CCDC158: variants seen among roughly 807,000 people sequenced by gnomAD.
The protein encoded by CCDC158 is coiled-coil domain-containing protein 158.
Under a neutral mutation model 138.6 loss-of-function variants are expected in CCDC158, and 116 were observed. The observed-to-expected ratio is 0.84, with a 90% CI of 0.72 to 0.98. The LOEUF is 0.98. Ranked by LOEUF, CCDC158 falls within the 50% of genes least tolerant of loss-of-function variation. The pLI is 0.00. For missense variants in CCDC158, 1,265 were observed against 1,306.1 expected (o/e 0.97, Z 0.48); for synonymous variants, 436 against 442.4 (o/e 0.99, Z 0.18).
intron 9 of CCDC158, among the ~76,000 whole-genome samples, chr4:76,373,635 TTAA>T (rs1725451830): frequency 1.3e-5 from 2 of 151,978 alleles, no homozygotes; most frequent in Admixed American, 1.3e-4. Flanking sequence ...ACATCTCTCT[TTAA>T]TAATAATCAT....
intron 1 of CCDC158, among the ~76,000 whole-genome samples, chr4:76,417,584 C>T (rs552033390): frequency 3.3e-4 from 47 of 141,280 alleles, no homozygotes; most frequent in Non-Finnish European, 6.7e-4. Flanking sequence ...CTCTTGCTGC[C>T]GCCATGTAAG....
chr4:76,413,476 A>T (rs898287912), intron 1 of CCDC158, among the ~76,000 whole-genome samples: 72 of 144,932 alleles, frequency 5.0e-4, no homozygotes, highest in Admixed American at 4.6e-3. Context: ...CCTTGTCTCA[A>T]AAAAAAAAAA....
intron 14 of CCDC158, chr4:76,356,605 C>A (rs997215927): frequency 2.0e-5 from 3 of 152,132 alleles, no homozygotes; most frequent in African/African-American, 7.2e-5. Flanking sequence ...AAGGGCCAAA[C>A]CACACAAAAT....
intron 24 of CCDC158, among the ~76,000 whole-genome samples, chr4:76,318,016 A>C (rs1197442289): frequency 6.6e-6 from 1 of 152,174 alleles, no homozygotes; most frequent in African/African-American, 2.4e-5. Context: ...AGTGGTGCTA[A>C]AAGGAAAGTT....
At chr4:76,345,173 A>G in intron 18 of CCDC158, 3 of 993,540 alleles carry the variant, frequency 3.0e-6, no homozygotes, top group Non-Finnish European at 3.3e-6. Context: ...AAAAGTACCT[A>G]TTGAAGGTTG....
intron 24 of CCDC158, among the ~76,000 whole-genome samples, chr4:76,319,560 G>A (rs1237492521): frequency 8.1e-6 from 1 of 124,166 alleles, no homozygotes; most frequent in Non-Finnish European, 1.6e-5. Flanking sequence ...TTAGCTAACT[G>A]AATCCAACAC....
chr4:76,369,708 T>A lies in CCDC158; in HGVS notation c.1150-85A>T, dbSNP rs115086572. On this transcript the variant is annotated intron_variant, in intron 10 of 24. Coordinates refer to ENST00000682701, the MANE Select transcript of CCDC158 (RefSeq NM_001394954.1). ...ATTGTCTTTATATCATATTTGGAGTTTTTATGTGATTTCAGACACCTTTGA... is the reference window on the plus strand; with the variant it reads ...ATTGTCTTTATATCATATTTGGAGTATTTATGTGATTTCAGACACCTTTGA... 1.2e-3 allele frequency: 1,376 copies of A among 1,184,236 alleles called. 12 individuals carry two copies. The African/African-American group carries it at 0.018, about 15-fold the overall frequency. 73.4% of individuals were successfully genotyped at this position (1,184,236 alleles called of 1,614,324 possible).
At chr4:76,349,877 A>T (rs1388849836) in intron 18 of CCDC158, among the ~76,000 whole-genome samples, 1 of 152,226 alleles carries the variant, frequency 6.6e-6, no homozygotes, top group South Asian at 2.1e-4. Context: ...CCTAGAGGTC[A>T]TCTTGTCCAG....
intron 18 of CCDC158, among the ~76,000 whole-genome samples, chr4:76,339,520 T>C (rs1375818642): frequency 6.6e-6 from 1 of 152,264 alleles, no homozygotes; most frequent in East Asian, 1.9e-4. Flanking sequence ...AAGGCAACAA[T>C]GCTTGTTTTG....
chr4:76,353,279 C>T lies in CCDC158; in HGVS notation c.2289G>A (p.Glu763=). 1 of 1,601,666 alleles carries T rather than the reference C, an allele frequency of 6.2e-7. No homozygotes were observed. The highest frequency in any genetic ancestry group is 8.5e-7 in the Non-Finnish European group (1 of 1,173,618). ...TTTTCTCTTCTTTCAGAAAATGTTT[C>T]TCCTACAATTATATGAGAGAAAAAC... ...LEEAMTNANK[E]KHFLKEEKSK... Residue 763 remains glutamate (E), a splice_region_variant and synonymous_variant, in exon 16 of 25, where the codon GAG becomes GAA. Transcript: ENST00000682701.
At chr4:76,358,902 T>G in intron 13 of CCDC158, among the ~76,000 whole-genome samples, 1 of 152,232 alleles carries the variant, frequency 6.6e-6, no homozygotes, top group East Asian at 1.9e-4. Flanking sequence ...TACATGATAC[T>G]TCATACCATA....
intron 4 of CCDC158, among the ~76,000 whole-genome samples, chr4:76,395,932 T>G (rs1201025171): frequency 6.6e-6 from 1 of 152,212 alleles, no homozygotes; most frequent in African/African-American, 2.4e-5. Context: ...GGTATCATGA[T>G]AGCAGGACAG....
At chr4:76,345,776 G>A (rs568554022) in intron 18 of CCDC158, among the ~76,000 whole-genome samples, 2 of 152,162 alleles carry the variant, frequency 1.3e-5, no homozygotes, top group African/African-American at 2.4e-5. Context: ...TGATGCTCAT[G>A]GATAGGAAGA....
intron 8 of CCDC158, among the ~76,000 whole-genome samples, chr4:76,382,011 A>G (rs1045009376): frequency 2.0e-5 from 3 of 152,206 alleles, no homozygotes; most frequent in African/African-American, 7.2e-5. Context: ...TGAGAAAGAC[A>G]TGATATTTGG....
At chr4:76,345,040 G>A (rs1432610195) in intron 18 of CCDC158, 1 of 1,375,680 alleles carries the variant, frequency 7.3e-7, no homozygotes, top group Non-Finnish European at 1.0e-6. Context: ...ATTACAATAG[G>A]ATCAACGATT....
intron 18 of CCDC158, among the ~76,000 whole-genome samples, chr4:76,347,899 A>G (rs1722711700): frequency 6.6e-6 from 1 of 152,168 alleles, no homozygotes; most frequent in African/African-American, 2.4e-5. Context: ...TCATGTGCCA[A>G]TTTTTAAAAC....
At chr4:76,327,761 A>G (rs936967474) in intron 22 of CCDC158, among the ~76,000 whole-genome samples, 1 of 152,114 alleles carries the variant, frequency 6.6e-6, no homozygotes, top group Admixed American at 6.5e-5. Context: ...TCTTTCTCCC[A>G]TCTCTTTTTA....
At chr4:76,337,946 T>C (rs904667301) in intron 18 of CCDC158, among the ~76,000 whole-genome samples, 1 of 152,058 alleles carries the variant, frequency 6.6e-6, no homozygotes, top group Non-Finnish European at 1.5e-5. Flanking sequence ...CTGTGAGGAA[T>C]GGGGCCACAC....
chr4:76,349,193 T>A (rs571661944), intron 18 of CCDC158, among the ~76,000 whole-genome samples: 1 of 152,248 alleles, frequency 6.6e-6, no homozygotes, highest in East Asian at 1.9e-4. Context: ...ATTGAATATA[T>A]GCTAGACACT....
Sources: allele counts gnomAD v4.1 joint callset (sites outside exome capture counted in the v4.1 genomes callset), GRCh38; gene constraint gnomAD v4.1.1; transcripts MANE v1.5; gene names NCBI Gene and HGNC (gene_info 2026-07-23, HGNC 2026-07-21).